Variants in SLC20A2 observed in about 807,000 individuals in gnomAD.
The protein encoded by SLC20A2 is solute carrier family 20 member 2, also known as sodium-dependent phosphate transporter 2.
Under a neutral mutation model 61.0 loss-of-function variants are expected in SLC20A2, and 30 were observed. The ratio of observed to expected loss-of-function variants is 0.49; its 90% CI spans 0.37 to 0.67. SLC20A2 has a LOEUF of 0.67. Among genes scored for constraint, SLC20A2 ranks in the 30% least tolerant of loss-of-function variants. SLC20A2 has a pLI of 0.00. For synonymous variants in SLC20A2, 351 were observed against 353.3 expected (o/e 0.99, Z 0.07); for missense variants, 626 against 866.4 (o/e 0.72, Z 3.48).
intron 10 of SLC20A2, among the ~76,000 whole-genome samples, chr8:42,418,350 A>G (rs1192765654): frequency 6.6e-6 from 1 of 151,844 alleles, no homozygotes; most frequent in Non-Finnish European, 1.5e-5. Context: ...TATTTTTAGT[A>G]GAGACGGGGT....
chr8:42,422,145 TG>T (rs1350810477), intron 10 of SLC20A2, among the ~76,000 whole-genome samples: 1 of 152,068 alleles, frequency 6.6e-6, no homozygotes, highest in African/African-American at 2.4e-5. Flanking sequence ...CTCCACCTCC[TG>T]GGTTCAAGCG....
At chr8:42,481,351 C>T (rs1808538567) in intron 1 of SLC20A2, among the ~76,000 whole-genome samples, 2 of 152,086 alleles carry the variant, frequency 1.3e-5, no homozygotes, top group South Asian at 4.1e-4. Context: ...CACACCACAC[C>T]ACACCAGGGT....
At chr8:42,464,754 A>C (rs529826024) in intron 3 of SLC20A2, among the ~76,000 whole-genome samples, 25 of 152,168 alleles carry the variant, frequency 1.6e-4, no homozygotes, top group African/African-American at 5.1e-4. Flanking sequence ...AGGTGGATTG[A>C]CTGAGCTCAA....
At chr8:42,462,695 G>A (rs190864149) in intron 4 of SLC20A2, among the ~76,000 whole-genome samples, 4 of 151,500 alleles carry the variant, frequency 2.6e-5, no homozygotes, top group African/African-American at 7.3e-5. Context: ...ATTCTATTCT[G>A]CTTAACATTC....
At chr8:42,466,624 TTATCTA>T (rs1182783160) in intron 2 of SLC20A2, among the ~76,000 whole-genome samples, 3 of 152,180 alleles carry the variant, frequency 2.0e-5, no homozygotes, top group Non-Finnish European at 4.4e-5. Flanking sequence ...CTAGGTCATA[TTATCTA>T]TATAAGAGAG....
intron 1 of SLC20A2, among the ~76,000 whole-genome samples, chr8:42,487,748 G>A (rs1016545769): frequency 3.3e-5 from 5 of 152,054 alleles, no homozygotes; most frequent in Non-Finnish European, 5.9e-5. Context: ...AATACACATC[G>A]CATAAAATTT....
intron 10 of SLC20A2, among the ~76,000 whole-genome samples, chr8:42,419,135 A>G (rs972750214): frequency 1.3e-5 from 2 of 152,092 alleles, no homozygotes. Flanking sequence ...CTCTTTACCC[A>G]ATTCACTATT....
At position 42,522,767 on chromosome 8, in the gene SLC20A2, C is replaced by T. The variant is rs1006820373; in HGVS notation, c.-265+19054G>A. ...TCACCCAGGTTGGAGTGTGGTGGTGCGAGCATGGCTCACTACACCCTTGAA... is the reference window on the plus strand; with the variant it reads ...TCACCCAGGTTGGAGTGTGGTGGTGTGAGCATGGCTCACTACACCCTTGAA... On this transcript the variant is annotated intron_variant, in intron 1 of 10. Transcript: ENST00000342228. Among the ~76,000 whole-genome samples the T allele has an allele frequency of 1.2e-4, 7 of 60,192 alleles. 1 individual carries two copies. The highest frequency in any genetic ancestry group is 3.4e-5 in the African/African-American group (1 of 29,830). The allele number at this position is 60,192 out of a possible 152,430, so 39.5% of individuals were successfully genotyped here. A position where few individuals can be genotyped will look rare whatever the true frequency, so the allele number is the denominator to read the frequency against.
At chr8:42,533,651 G>GTTCTTTCT (rs1812493524) in intron 1 of SLC20A2, among the ~76,000 whole-genome samples, 2 of 89,736 alleles carry the variant, frequency 2.2e-5, no homozygotes, top group Admixed American at 1.4e-4. Context: ...ATGATCAACT[G>GTTCTTTCT]TTCTTTTTTT....
rs564943975 is a variant in SLC20A2 at position 42,442,371 on chromosome 8, G to A, written c.730+2275C>T. Among the ~76,000 whole-genome samples the A allele has an allele frequency of 2.0e-5, 3 of 152,130 alleles. No homozygotes were observed. In the South Asian group the frequency reaches 6.2e-4, roughly 32 times the overall value. ...TAAATTTTATATTTAGATCTATGAT[G>A]CATTTTAAGTTAATTTTTAAAATAA... On this transcript the variant is annotated intron_variant, in intron 6 of 10. Coordinates refer to ENST00000520262, the MANE Select transcript of SLC20A2 (RefSeq NM_001257180.2).
chr8:42,524,647 G>A (rs924277188), intron 1 of SLC20A2, among the ~76,000 whole-genome samples: 1 of 152,132 alleles, frequency 6.6e-6, no homozygotes, highest in Non-Finnish European at 1.5e-5. Context: ...TGAGCCAGTT[G>A]TGGTGGCGAG....
Position 42,472,915 on chromosome 8 carries a change from A to G in SLC20A2, c.-264-261T>C, listed in dbSNP as rs1807761182. The stretch of plus-strand genomic sequence containing the variant: ...CTAATAGTAATCCTTACTAGGTTAC[A>G]TTTTTCATGCAATCGGAAAAACATA... On this transcript the variant is annotated intron_variant, in intron 1 of 10. Transcript: ENST00000520262. This position sits in a 1 kb window ranked among gnomAD's most constrained non-coding sequence, Gnocchi z 4.1. Among the ~76,000 whole-genome samples, 1 of 152,224 alleles carries G rather than the reference A, an allele frequency of 6.6e-6. No homozygotes were observed. Among genetic ancestry groups the G allele is most frequent in the South Asian group, 2.1e-4 (1 of 4,832 alleles).
At chr8:42,427,367 G>T (rs1158771260) in intron 10 of SLC20A2, among the ~76,000 whole-genome samples, 1 of 152,218 alleles carries the variant, frequency 6.6e-6, no homozygotes, top group Non-Finnish European at 1.5e-5. Flanking sequence ...CTGAGGTGAA[G>T]ATCTGAATCC....
At chr8:42,475,725 T>G (rs541852736) in intron 1 of SLC20A2, among the ~76,000 whole-genome samples, 12 of 151,982 alleles carry the variant, frequency 7.9e-5, no homozygotes, top group South Asian at 2.1e-4. Flanking sequence ...AAGATCCTTC[T>G]GGCTGCAGTG....
At position 42,492,317 on chromosome 8, in the gene SLC20A2, T is replaced by C. The variant is rs966954999; in HGVS notation, c.-265+8714A>G. Reference sequence around the variant, plus strand: ...GTTGCAGTGAGCTGAGATCGTGCCATTGCACTCCAGCCTGGGCAACAGAAC... The same window carrying C: ...GTTGCAGTGAGCTGAGATCGTGCCACTGCACTCCAGCCTGGGCAACAGAAC... On this transcript the variant is annotated intron_variant, in intron 1 of 10. Transcript: ENST00000520262. Among the ~76,000 whole-genome samples the C allele has an allele frequency of 3.9e-5, 6 of 151,970 alleles. No individual in the cohort carries two copies. The East Asian group carries it at 5.8e-4, about 15-fold the overall frequency.
intron 8 of SLC20A2, among the ~76,000 whole-genome samples, chr8:42,436,353 C>T (rs1804252857): frequency 6.6e-6 from 1 of 152,146 alleles, no homozygotes; most frequent in Non-Finnish European, 1.5e-5. Flanking sequence ...GCATCCAGGG[C>T]CTCCGTCATC....
rs555748833 is a variant in SLC20A2 at position 42,435,630 on chromosome 8, C to A, written c.1523+1359G>T. On this transcript the variant is annotated intron_variant, in intron 8 of 10. Transcript: ENST00000520262. ...CACCAGGCCTGGGCGTGGGGTGGGGCAGGTGGGGTGGGTGGGGTCAAGGTT... is the reference window on the plus strand; with the variant it reads ...CACCAGGCCTGGGCGTGGGGTGGGGAAGGTGGGGTGGGTGGGGTCAAGGTT... Among the ~76,000 whole-genome samples the A allele has an allele frequency of 4.1e-4, 62 of 151,832 alleles. 1 individual carries two copies. In the South Asian group the frequency reaches 6.9e-3, roughly 17 times the overall value.
intron 2 of SLC20A2, among the ~76,000 whole-genome samples, chr8:42,469,688 G>A (rs2131214159): frequency 6.6e-6 from 1 of 152,280 alleles, no homozygotes; most frequent in South Asian, 2.1e-4. Context: ...CCAGCACTTT[G>A]GGAGGCCAAG....
chr8:42,462,556 T>C (rs567296504), intron 4 of SLC20A2, among the ~76,000 whole-genome samples: 40 of 150,870 alleles, frequency 2.7e-4, no homozygotes, highest in Middle Eastern at 3.4e-3. Context: ...TATCCTTTCC[T>C]CAAATTGCGT....
Sources: allele counts gnomAD v4.1 joint callset (sites outside exome capture counted in the v4.1 genomes callset), GRCh38; gene constraint gnomAD v4.1.1; non-coding constraint Gnocchi (gnomAD v3.1); transcripts MANE v1.5; gene names NCBI Gene and HGNC (gene_info 2026-07-23, HGNC 2026-07-21).